The following LDLRAD3 variants were observed in gnomAD, a reference collection of about 807,000 sequenced individuals.
The protein encoded by LDLRAD3 is low-density lipoprotein receptor class A domain-containing protein 3.
In LDLRAD3, 20 loss-of-function variants were observed where a neutral mutation model predicts 29.4. The ratio of observed to expected loss-of-function variants is 0.68; its 90% CI spans 0.48 to 0.99. The LOEUF (loss-of-function observed/expected upper bound fraction) is 0.99. Among genes scored for constraint, LDLRAD3 ranks in the 50% least tolerant of loss-of-function variants. The probability of loss-of-function intolerance (pLI) is 0.00; values close to 1 mark genes in which losing one functional copy is unlikely to be tolerated. For synonymous variants in LDLRAD3, 157 were observed against 192.7 expected (o/e 0.81, Z 1.53); for missense variants, 420 against 454.3 (o/e 0.92, Z 0.69).
intron 4 of LDLRAD3, among the ~76,000 whole-genome samples, chr11:36,179,692 T>C (rs1399564430): frequency 6.6e-6 from 1 of 151,528 alleles, no homozygotes; most frequent in Non-Finnish European, 1.5e-5. Context: ...CTGCAGGGAG[T>C]GAATAAAACA....
At position 36,028,891 on chromosome 11, in the gene LDLRAD3, G is replaced by A. The variant is rs150926294; in HGVS notation, c.47-7212G>A. Among the ~76,000 whole-genome samples the A allele has an allele frequency of 4.0e-3, 605 of 152,240 alleles. 1 individual carries two copies. Among genetic ancestry groups the A allele is most frequent in the Non-Finnish European group, 6.2e-3 (424 of 68,022 alleles). On this transcript the variant is annotated intron_variant, in intron 1 of 5. Coordinates refer to ENST00000315571, the MANE Select transcript of LDLRAD3 (RefSeq NM_174902.4). ...TGGGCAAGTTACTTCTTCAGTTTCA[G>A]TTTCCTCATCTGCAAAATGGAAATG...
At chr11:36,027,828 T>C (rs1852187391) in intron 1 of LDLRAD3, among the ~76,000 whole-genome samples, 1 of 152,226 alleles carries the variant, frequency 6.6e-6, no homozygotes, top group Non-Finnish European at 1.5e-5. Context: ...CAGAGTCGAT[T>C]GGCTCTCTCA....
At chr11:36,099,306 CT>C (rs201000952) in intron 4 of LDLRAD3, among the ~76,000 whole-genome samples, 1 of 150,236 alleles carries the variant, frequency 6.7e-6, no homozygotes, top group African/African-American at 2.4e-5. Flanking sequence ...CTCATGGACT[CT>C]TTTTTTTAGC....
At chr11:36,068,476 T>C (rs1852833892) in intron 2 of LDLRAD3, among the ~76,000 whole-genome samples, 1 of 152,178 alleles carries the variant, frequency 6.6e-6, no homozygotes, top group Admixed American at 6.5e-5. Flanking sequence ...TCATCCAAGA[T>C]CTCAGTGATT....
chr11:36,160,236 C>T (rs1189065351), intron 4 of LDLRAD3, among the ~76,000 whole-genome samples: 5 of 152,100 alleles, frequency 3.3e-5, no homozygotes, highest in African/African-American at 1.2e-4. Flanking sequence ...TTGCAGGCAC[C>T]GCATCTTTGT....
chr11:36,210,150 A>G (rs182209491), intron 4 of LDLRAD3, among the ~76,000 whole-genome samples: 1 of 152,214 alleles, frequency 6.6e-6, no homozygotes, highest in Non-Finnish European at 1.5e-5. Flanking sequence ...GCCCCATAAC[A>G]GTGGCTCAGA....
chr11:35,982,323 T>C (rs1392469327), intron 1 of LDLRAD3, among the ~76,000 whole-genome samples: 2 of 152,164 alleles, frequency 1.3e-5, no homozygotes, highest in Admixed American at 6.5e-5. Context: ...ATGTTCTCTG[T>C]GTGTCTCCAC....
chr11:36,005,610 C>T (rs943968798), intron 1 of LDLRAD3, among the ~76,000 whole-genome samples: 5 of 152,184 alleles, frequency 3.3e-5, no homozygotes, highest in Admixed American at 1.3e-4. Context: ...TTACCCAGTT[C>T]GAAAGTCACT....
At chr11:36,024,103 A>G (rs1421132939) in intron 1 of LDLRAD3, among the ~76,000 whole-genome samples, 1 of 152,048 alleles carries the variant, frequency 6.6e-6, no homozygotes, top group Non-Finnish European at 1.5e-5. Flanking sequence ...CAGGCTTCCC[A>G]TCTGACCAGG....
intron 1 of LDLRAD3, among the ~76,000 whole-genome samples, chr11:35,982,069 T>G (rs1213016829): frequency 2.0e-5 from 3 of 152,104 alleles, no homozygotes; most frequent in Admixed American, 6.5e-5. Context: ...ACTATATTAT[T>G]AAATAGTTTT....
chr11:36,138,790 G>A (rs1854038330), intron 4 of LDLRAD3, among the ~76,000 whole-genome samples: 1 of 152,208 alleles, frequency 6.6e-6, no homozygotes, highest in Non-Finnish European at 1.5e-5. Context: ...GTGGTAGAAA[G>A]TTTAAGACCC....
At chr11:36,094,604 C>T (rs1036007357) in intron 3 of LDLRAD3, among the ~76,000 whole-genome samples, 5 of 152,148 alleles carry the variant, frequency 3.3e-5, no homozygotes, top group Non-Finnish European at 7.3e-5. Context: ...GGCACGGACT[C>T]GGCTCATTTC....
intron 4 of LDLRAD3, among the ~76,000 whole-genome samples, chr11:36,133,945 C>T (rs1416099691): frequency 6.6e-6 from 1 of 151,160 alleles, no homozygotes; most frequent in Non-Finnish European, 1.5e-5. Context: ...GGCTTTGTTC[C>T]TTCTTCCCTC....
intron 4 of LDLRAD3, among the ~76,000 whole-genome samples, chr11:36,158,349 C>T (rs868311257): frequency 1.3e-4 from 20 of 152,278 alleles, no homozygotes; most frequent in African/African-American, 4.6e-4. Flanking sequence ...GATCTTTGCA[C>T]TTGCTGTTCT....
chr11:35,949,992 T>C lies in LDLRAD3; in HGVS notation c.46+5848T>C, dbSNP rs566280491. ...CTTTGGATAGTTAGCAATTTCTTAA[T>C]ATTTTATTTGGTTGTTCGTCATTGT... is the stretch of plus-strand genomic sequence containing the variant. On this transcript the variant is annotated intron_variant, in intron 1 of 5. Coordinates refer to ENST00000315571, the MANE Select transcript of LDLRAD3 (RefSeq NM_174902.4). 1.9e-4 allele frequency among the ~76,000 whole-genome samples: 29 copies of C among 152,380 alleles called. No individual in the cohort carries two copies. In the South Asian group the frequency reaches 2.5e-3, roughly 13 times the overall value.
intron 1 of LDLRAD3, among the ~76,000 whole-genome samples, chr11:36,029,023 T>C (rs534406047): frequency 1.0e-3 from 158 of 152,256 alleles, no homozygotes; most frequent in African/African-American, 3.7e-3. Context: ...GGCAGGCGGA[T>C]CACAGGGTCA....
chr11:36,011,773 T>C (rs1851958681), intron 1 of LDLRAD3, among the ~76,000 whole-genome samples: 1 of 152,144 alleles, frequency 6.6e-6, no homozygotes, highest in Admixed American at 6.5e-5. Flanking sequence ...CTCAATTTCC[T>C]CATCTGGAAA....
intron 3 of LDLRAD3, among the ~76,000 whole-genome samples, chr11:36,091,610 A>G (rs996318214): frequency 9.2e-5 from 14 of 152,090 alleles, no homozygotes; most frequent in Non-Finnish European, 1.6e-4. Context: ...TTTTGAGCCT[A>G]TGGTTCAGTT....
intron 1 of LDLRAD3, among the ~76,000 whole-genome samples, chr11:36,034,518 A>C (rs1852279591): frequency 6.6e-6 from 1 of 152,164 alleles, no homozygotes; most frequent in South Asian, 2.1e-4. Context: ...TTCTCCAGTG[A>C]GCGATGAAAG....
Sources: allele counts gnomAD v4.1 joint callset (sites outside exome capture counted in the v4.1 genomes callset), GRCh38; gene constraint gnomAD v4.1.1; transcripts MANE v1.5; gene names NCBI Gene and HGNC (gene_info 2026-07-23, HGNC 2026-07-21).